ATXN10: variants seen among roughly 807,000 people sequenced by gnomAD.
The protein encoded by ATXN10 is ataxin 10.
A neutral mutation model predicts 52.9 loss-of-function variants in ATXN10; 28 were observed. The observed-to-expected ratio is 0.53, with a 90% CI of 0.39 to 0.73. The LOEUF (loss-of-function observed/expected upper bound fraction) is 0.73, where lower values mean the gene tolerates loss of function less well. ATXN10 is among the 30% of genes least tolerant of loss of function. ATXN10 has a pLI of 0.00. For synonymous variants in ATXN10, 226 were observed against 221.5 expected, an observed-to-expected ratio of 1.02 and a Z score of -0.18; for missense variants, 565 against 577.0, an observed-to-expected ratio of 0.98 and a Z score of 0.21.
intron 10 of ATXN10, among the ~76,000 whole-genome samples, chr22:45,807,390 A>C: frequency 6.6e-6 from 1 of 152,172 alleles, no homozygotes; most frequent in East Asian, 1.9e-4. Flanking sequence ...TTGTTTTGCT[A>C]TAGAGATTCT....
chr22:45,813,054 G>A (rs1042646147), intron 10 of ATXN10, among the ~76,000 whole-genome samples: 10 of 152,288 alleles, frequency 6.6e-5, no homozygotes, highest in Middle Eastern at 3.4e-3. Flanking sequence ...CTGAAGGACC[G>A]CCCTGACTGC....
At chr22:45,720,271 A>C (rs536807894) in intron 6 of ATXN10, among the ~76,000 whole-genome samples, 1 of 152,278 alleles carries the variant, frequency 6.6e-6, no homozygotes, top group African/African-American at 2.4e-5. Flanking sequence ...CCTTTGTCAA[A>C]AAATTGTGGT....
rs1213856934 is a variant in ATXN10 at position 45,843,630 on chromosome 22, T to C, written c.1426-39T>C. ...TGTCTGATGAATCTTGTGAACAGAT[T>C]TGCTACATCTGCAATTTTGTTTCTT... On this transcript the variant is annotated intron_variant, in intron 11 of 11. Transcript: ENST00000252934. The surrounding 1 kb of genome is among the most constrained non-coding windows in gnomAD (Gnocchi z 4.5). The C allele has an allele frequency of 1.2e-6, 2 of 1,605,898 alleles. No individual in the cohort carries two copies. The highest frequency in any genetic ancestry group is 1.7e-6 in the Non-Finnish European group (2 of 1,173,660).
At chr22:45,804,183 G>T (rs1454361923) in intron 9 of ATXN10, among the ~76,000 whole-genome samples, 1 of 152,170 alleles carries the variant, frequency 6.6e-6, no homozygotes, top group African/African-American at 2.4e-5. Context: ...ACTGACAGTG[G>T]TCTCCAGACC....
intron 1 of ATXN10, chr22:45,673,516 C>A (rs971452787): frequency 2.0e-5 from 3 of 152,218 alleles, no homozygotes; most frequent in Admixed American, 2.0e-4. Flanking sequence ...TTAGGCATTT[C>A]TGTATCATGA....
chr22:45,684,244 C>T lies in ATXN10; in HGVS notation c.117-5468C>T, dbSNP rs572253002. ...GGAATTATAGGCATATGAACCACTGCGCCTGGCCGCCTTAGTTCCTTTCAT... is the reference window on the plus strand; with the variant it reads ...GGAATTATAGGCATATGAACCACTGTGCCTGGCCGCCTTAGTTCCTTTCAT... On this transcript the variant is annotated intron_variant, in intron 1 of 11. Coordinates refer to ENST00000252934, the MANE Select transcript of ATXN10 (RefSeq NM_013236.4). The surrounding 1 kb of genome is among the most constrained non-coding windows in gnomAD (Gnocchi z 4.1). 2.6e-5 allele frequency among the ~76,000 whole-genome samples: 4 copies of T among 151,944 alleles called. No individual in the cohort carries two copies. The highest frequency in any genetic ancestry group is 2.1e-4 in the South Asian group (1 of 4,818).
intron 5 of ATXN10, among the ~76,000 whole-genome samples, chr22:45,709,815 A>T (rs1486117236): frequency 1.3e-5 from 2 of 152,106 alleles, no homozygotes; most frequent in African/African-American, 4.8e-5. Context: ...TTTCCCCCAC[A>T]CATAACACCT....
At chr22:45,782,712 T>A (rs1927191707) in intron 9 of ATXN10, among the ~76,000 whole-genome samples, 1 of 152,208 alleles carries the variant, frequency 6.6e-6, no homozygotes, top group South Asian at 2.1e-4. Context: ...TATATAAAAC[T>A]TGTATAAGCG....
rs941492980 is a variant in ATXN10 at position 45,682,323 on chromosome 22, GT to G, written c.117-7378del. 1.3e-3 allele frequency among the ~76,000 whole-genome samples: 196 copies of G among 145,328 alleles called. 1 individual carries two copies. Among genetic ancestry groups the G allele is most frequent in the African/African-American group, 4.2e-3 (168 of 39,972 alleles). ...CATTTTTCTTTAGCTGGACTTCTTT[GT>G]TTTTTTTTTTGAGACAGGGTCTCGC... On this transcript the variant is annotated intron_variant, in intron 1 of 11. Coordinates refer to ENST00000252934, the MANE Select transcript of ATXN10 (RefSeq NM_013236.4).
intron 10 of ATXN10, among the ~76,000 whole-genome samples, chr22:45,809,969 G>A (rs1255631924): frequency 4.6e-5 from 7 of 151,860 alleles, no homozygotes; most frequent in Non-Finnish European, 8.8e-5. Context: ...TTTTTTGCAC[G>A]TGTATCTTGT....
intron 9 of ATXN10, among the ~76,000 whole-genome samples, chr22:45,791,756 G>A (rs136001): frequency 0.86 from 131,054 of 152,212 alleles, 56,665 homozygotes; most frequent in African/African-American, 0.94. Context: ...ACAGTGGTCT[G>A]TCTTTCCTGG....
At position 45,691,654 on chromosome 22, in the gene ATXN10, G is replaced by A. The variant is rs1923383011; in HGVS notation, c.309-1342G>A. Among the ~76,000 whole-genome samples the A allele has an allele frequency of 2.0e-5, 3 of 152,196 alleles. No homozygotes were observed. The South Asian group carries it at 6.2e-4, about 32-fold the overall frequency. ...CTCACGCCTGTAATCCCAACACTTT[G>A]GGAGGCCGAGGCGGGTGAATCATGA... On this transcript the variant is annotated intron_variant, in intron 2 of 11. Coordinates refer to ENST00000252934, the MANE Select transcript of ATXN10 (RefSeq NM_013236.4).
In ATXN10 at chr22:45,784,707, A is replaced by G. The variant is rs142444014; in HGVS notation, c.1174-22252A>G. On this transcript the variant is annotated intron_variant, in intron 9 of 11. Coordinates refer to ENST00000252934, the MANE Select transcript of ATXN10 (RefSeq NM_013236.4). The surrounding 1 kb of genome is among the most constrained non-coding windows in gnomAD (Gnocchi z 4.2). ...ATTGACCTCATGGCTATTCTTACACATTCCAGATAGTCATTCTGAGGGCTG... is the reference window on the plus strand; with the variant it reads ...ATTGACCTCATGGCTATTCTTACACGTTCCAGATAGTCATTCTGAGGGCTG... 3.1e-3 allele frequency among the ~76,000 whole-genome samples: 479 copies of G among 152,292 alleles called. 1 individual carries two copies. The highest frequency in any genetic ancestry group is 0.011 in the African/African-American group (463 of 41,556).
chr22:45,738,745 AATTAGGCTTCTCGAC>A lies in ATXN10; in HGVS notation c.910_924del (p.Ile304_Asp308del), dbSNP rs771751325. 6.2e-7 allele frequency: 1 copy of A among 1,613,942 alleles called. No homozygotes were observed. The highest frequency in any genetic ancestry group is 1.3e-5 in the African/African-American group (1 of 74,940). ...TTTCTTTCTAGGAGGCACTGGCTAC[AATTAGGCTTCTCGAC>A]GTCCTGTGCGAAATGACTGTGAATA... On this transcript the variant is annotated inframe_deletion, in exon 8 of 12. Transcript: ENST00000252934.
rs1925912817 is a variant in ATXN10, at chr22:45,750,669, A to G, written c.1173+10131A>G. Among the ~76,000 whole-genome samples, 1 of 152,248 alleles carries G rather than the reference A, an allele frequency of 6.6e-6. No individual in the cohort carries two copies. The highest frequency in any genetic ancestry group is 6.5e-5 in the Admixed American group (1 of 15,282). The stretch of plus-strand genomic sequence containing the variant: ...AAATAATTGAGGAATTGTCATATCA[A>G]TATTAAAATATACTTTAAGGCTAAA... On this transcript the variant is annotated intron_variant, in intron 9 of 11. Coordinates refer to ENST00000252934, the MANE Select transcript of ATXN10 (RefSeq NM_013236.4). The surrounding 1 kb of genome is among the most constrained non-coding windows in gnomAD (Gnocchi z 4.2).
intron 9 of ATXN10, among the ~76,000 whole-genome samples, chr22:45,743,563 G>T (rs951336724): frequency 6.6e-6 from 1 of 152,278 alleles, no homozygotes; most frequent in African/African-American, 2.4e-5. Context: ...TTGATGGATT[G>T]TCTCACTTCT....
intron 1 of ATXN10, among the ~76,000 whole-genome samples, chr22:45,682,172 A>G (rs1447584360): frequency 6.6e-6 from 1 of 152,162 alleles, no homozygotes; most frequent in South Asian, 2.1e-4. Context: ...CATTTCCCTG[A>G]GTGATAATCC....
In ATXN10 at chr22:45,684,331, A is replaced by G. The variant is rs1569021928; in HGVS notation, c.117-5381A>G. 6.6e-6 allele frequency among the ~76,000 whole-genome samples: 1 copy of G among 152,124 alleles called. No individual in the cohort carries two copies. Among genetic ancestry groups the G allele is most frequent in the Non-Finnish European group, 1.5e-5 (1 of 68,014 alleles). On this transcript the variant is annotated intron_variant, in intron 1 of 11. Transcript: ENST00000252934. The surrounding 1 kb of genome is among the most constrained non-coding windows in gnomAD (Gnocchi z 4.1). ...TTCAATGTGATGAGGACAGTGGGAA[A>G]GAGGAAGTGTGTGGTTTTTGGGGAG...
rs182557135 is a variant in ATXN10 at position 45,683,910 on chromosome 22, G to C, written c.117-5802G>C. 2.6e-5 allele frequency among the ~76,000 whole-genome samples: 4 copies of C among 152,208 alleles called. No homozygotes were observed. The highest frequency in any genetic ancestry group is 9.6e-5 in the African/African-American group (4 of 41,538). On this transcript the variant is annotated intron_variant, in intron 1 of 11. Transcript: ENST00000252934. The surrounding 1 kb of genome is among the most constrained non-coding windows in gnomAD (Gnocchi z 4.8). Reference sequence around the variant, plus strand: ...TTCCAGTGGTTGACTTTCTGCCTCTGTGCTAATTTCACCTTTTCTTAGCTT... The same window carrying C: ...TTCCAGTGGTTGACTTTCTGCCTCTCTGCTAATTTCACCTTTTCTTAGCTT...
Sources: allele counts gnomAD v4.1 joint callset (sites outside exome capture counted in the v4.1 genomes callset), GRCh38; gene constraint gnomAD v4.1.1; non-coding constraint Gnocchi (gnomAD v3.1); transcripts MANE v1.5; gene names NCBI Gene and HGNC (gene_info 2026-07-23, HGNC 2026-07-21).